Variants in WIPI1 observed in about 807,000 individuals in gnomAD.
WIPI1 encodes WD repeat domain, phosphoinositide interacting 1, also known as WD repeat domain phosphoinositide-interacting protein 1.
In WIPI1, 45 loss-of-function variants were observed where a neutral mutation model predicts 55.3. The observed-to-expected ratio is 0.81, with a 90% CI of 0.64 to 1.04. The LOEUF is 1.04. WIPI1 is among the 50% of genes least tolerant of loss of function. The pLI is 0.00. For missense variants in WIPI1, 445 were observed against 559.0 expected (o/e 0.80, Z 2.06); for synonymous variants, 195 against 217.6 (o/e 0.90, Z 0.92).
At chr17:68,449,594 GT>G (rs1175442494) in intron 3 of WIPI1, among the ~76,000 whole-genome samples, 2 of 152,146 alleles carry the variant, frequency 1.3e-5, no homozygotes, top group East Asian at 1.9e-4. Flanking sequence ...ACGAGACCTG[GT>G]TGTTTAATAG....
intron 3 of WIPI1, 30 bp from the exon 4 acceptor site, chr17:68,444,619 G>A (rs768672589): frequency 3.9e-5 from 61 of 1,582,316 alleles, no homozygotes; most frequent in Admixed American, 3.5e-4. Flanking sequence ...TCAGTCTACC[G>A]AACCGTTCCT....
At chr17:68,428,178 G>C (rs954312211) in intron 10 of WIPI1, 1 of 151,546 alleles carries the variant, frequency 6.6e-6, no homozygotes, top group Non-Finnish European at 1.5e-5. Flanking sequence ...GATTACAGGC[G>C]TGAGTCAACA....
chr17:68,426,300 C>G, intron 11 of WIPI1, 125 bp from the exon 12 acceptor site: 1 of 742,676 alleles, frequency 1.3e-6, no homozygotes, highest in Non-Finnish European at 2.3e-6. Context: ...TGTCTTCCCC[C>G]TGGAGGTACT....
intron 2 of WIPI1, 34 bp from the exon 3 acceptor site, chr17:68,450,931 T>A: frequency 6.3e-7 from 1 of 1,596,946 alleles, no homozygotes; most frequent in Middle Eastern, 2.0e-4. Flanking sequence ...GTTACATGGA[T>A]TGATCACTTC....
Position 68,421,484 on chromosome 17 carries a change from A to C in WIPI1, c.*289T>G, listed in dbSNP as rs996994273. The C allele has an allele frequency of 9.8e-6, 4 of 409,404 alleles. No individual in the cohort carries two copies. Among genetic ancestry groups the C allele is most frequent in the Non-Finnish European group, 1.8e-5 (4 of 223,336 alleles). 25.4% of individuals were successfully genotyped at this position (409,404 alleles called of 1,614,324 possible). A position where few individuals can be genotyped will look rare whatever the true frequency, so the allele number is the denominator to read the frequency against. On this transcript the variant is annotated 3_prime_UTR_variant, in exon 13 of 13. Transcript: ENST00000262139. ...ATATTTAAAAAGGAGGCCCCTTTTAATATAAAATTCCGGTTATATACCAAT... is the reference window on the plus strand; with the variant it reads ...ATATTTAAAAAGGAGGCCCCTTTTACTATAAAATTCCGGTTATATACCAAT...
Position 68,457,349 on chromosome 17 carries a change from C to A in WIPI1, c.73G>T (p.Asp25Tyr). ...SALSCFSFNQ[D>Y]CTSLATGTKA... The stretch of plus-strand genomic sequence containing the variant: ...GGCCGAGTCGCAGCTTACGTGCAGT[C>A]CTGGTTGAAAGAGAAGCAGCTGAGC... The change falls in exon 1 of 13, where the codon GAC becomes TAC. Residue 25 changes from aspartate (D) to tyrosine (Y), a missense_variant. By Grantham distance (160) the Asp-to-Tyr change is radical (BLOSUM62 -3). Transcript: ENST00000262139. 9.7e-6 allele frequency: 15 copies of A among 1,545,566 alleles called. No homozygotes were observed. The highest frequency in any genetic ancestry group is 1.3e-5 in the Non-Finnish European group (15 of 1,145,594).
intron 9 of WIPI1, among the ~76,000 whole-genome samples, chr17:68,429,658 G>T (rs890341904): frequency 6.6e-6 from 1 of 151,930 alleles, no homozygotes; most frequent in Non-Finnish European, 1.5e-5. Context: ...GCATGATCTC[G>T]GCTCACTGCA....
At chr17:68,449,454 G>GAT (rs889567137) in intron 3 of WIPI1, among the ~76,000 whole-genome samples, 1 of 152,186 alleles carries the variant, frequency 6.6e-6, no homozygotes, top group African/African-American at 2.4e-5. Flanking sequence ...GGGAAACACT[G>GAT]TAATATGATT....
At chr17:68,430,960 G>GTAGCATT (rs1479033136) in intron 8 of WIPI1, among the ~76,000 whole-genome samples, 1 of 152,150 alleles carries the variant, frequency 6.6e-6, no homozygotes, top group Non-Finnish European at 1.5e-5. Context: ...CAATGGGCTA[G>GTAGCATT]GGGGTCTTTG....
intron 3 of WIPI1, among the ~76,000 whole-genome samples, chr17:68,448,592 C>T (rs749970955): frequency 6.6e-6 from 1 of 152,100 alleles, no homozygotes; most frequent in Non-Finnish European, 1.5e-5. Context: ...TTCCTTGTCC[C>T]ATTTGCTAAT....
chr17:68,426,251 G>GGGGGGGGGGGGA lies in WIPI1; in HGVS notation c.1193-77_1193-76insTCCCCCCCCCCC. ...GCCATGACCTGGCGGGTGGGGAGCGGGGGCTCAAATAAAGGGCAAAGGAAG... is the reference window on the plus strand; with the variant it reads ...GCCATGACCTGGCGGGTGGGGAGCGGGGGGGGGGGGGAGGGCTCAAATAAAGGGCAAAGGAAG... On this transcript the variant is annotated intron_variant, in intron 11 of 12. Transcript: ENST00000262139. 3 of 825,460 alleles carry GGGGGGGGGGGGA rather than the reference G, an allele frequency of 3.6e-6. 1 individual carries two copies. The highest frequency in any genetic ancestry group is 5.8e-6 in the Non-Finnish European group (3 of 521,074). 51.1% of individuals were successfully genotyped at this position (825,460 alleles called of 1,614,324 possible).
chr17:68,444,581 C>T lies in WIPI1; in HGVS notation c.342G>A (p.Leu114=). 1 of 1,613,256 alleles carries T rather than the reference C, an allele frequency of 6.2e-7. No homozygotes were observed. The change falls in exon 4 of 13, where the codon CTG becomes CTA. Residue 114 remains leucine (L), a synonymous_variant. Transcript: ENST00000262139. ...TATAAATGGACTCTTCTAGGCAAAC[C>T]AGCAGCCTCTGTAATCACACAGACT... ...LSIRLNRQRL[L]VCLEESIYIH... is the part of the protein sequence containing the mutation.
At chr17:68,435,862 T>C (rs943306114) in intron 5 of WIPI1, 150 bp from the exon 6 acceptor site, 5 of 704,504 alleles carry the variant, frequency 7.1e-6, no homozygotes, top group Non-Finnish European at 1.2e-5. Flanking sequence ...ATGTAAGCTG[T>C]GTGTCATTTT....
chr17:68,433,780 T>TTTTTTTTTTTTTTTTTTTTTTTTTTTG (rs2083644270), intron 7 of WIPI1, among the ~76,000 whole-genome samples: 1 of 126,016 alleles, frequency 7.9e-6, no homozygotes, highest in African/African-American at 3.2e-5. Context: ...TTTTTTTTTT[T>TTTTTTTTTTTTTTTTTTTTTTTTTTTG]TTTTTTTTTT....
In WIPI1 at chr17:68,442,879, C is replaced by T. The variant is rs144046434; in HGVS notation, c.430+1614G>A. 4.9e-3 allele frequency among the ~76,000 whole-genome samples: 748 copies of T among 152,278 alleles called. 1 individual carries two copies. The highest frequency in any genetic ancestry group is 7.3e-3 in the Non-Finnish European group (494 of 68,024). On this transcript the variant is annotated intron_variant, in intron 4 of 12. Coordinates refer to ENST00000262139, the MANE Select transcript of WIPI1 (RefSeq NM_017983.7). ...ACTCGTGACAACTAGATTTTGGGCT[C>T]CTGGTATGAGGTTGCCTAATGGTGC...
chr17:68,437,014 A>G (rs111586709), intron 4 of WIPI1, among the ~76,000 whole-genome samples: 17,906 of 81,738 alleles, frequency 0.22, 1,240 homozygotes, highest in South Asian at 0.35. Context: ...AAATATATAT[A>G]TATGTGTGTG....
At chr17:68,426,254 G>GGGT in intron 11 of WIPI1, 79 bp from the exon 12 acceptor site, 2 of 816,900 alleles carry the variant, frequency 2.4e-6, no homozygotes, top group East Asian at 3.5e-5. Flanking sequence ...GGGAGCGGGG[G>GGGT]CTCAAATAAA....
At chr17:68,438,757 C>T (rs1156342150) in intron 4 of WIPI1, among the ~76,000 whole-genome samples, 6 of 152,262 alleles carry the variant, frequency 3.9e-5, no homozygotes, top group Middle Eastern at 3.4e-3. Flanking sequence ...TGTGCCACCA[C>T]GCCCAGCTAA....
intron 3 of WIPI1, among the ~76,000 whole-genome samples, chr17:68,446,295 C>T (rs924049680): frequency 3.9e-5 from 6 of 152,022 alleles, no homozygotes; most frequent in African/African-American, 1.4e-4. Context: ...ATTTTCCCAC[C>T]CCAGCCTCTC....
Sources: gnomAD v4.1 joint callset for allele counts (sites outside exome capture counted in the v4.1 genomes callset) on GRCh38, gnomAD v4.1.1 for gene constraint, MANE v1.5 for transcripts, NCBI Gene and HGNC (gene_info 2026-07-23, HGNC 2026-07-21) for gene names.